Variants in ACBD6 observed in about 807,000 individuals in gnomAD.
ACBD6 encodes the protein acyl-CoA binding domain containing 6, also known as acyl-CoA-binding domain-containing protein 6.
A neutral mutation model predicts 37.2 loss-of-function variants in ACBD6; 28 were observed. The ratio of observed to expected loss-of-function variants is 0.75; its 90% CI spans 0.56 to 1.03. ACBD6 has a LOEUF of 1.03. ACBD6 is among the 50% of genes least tolerant of loss of function. The probability of loss-of-function intolerance (pLI) is 0.00; values close to 1 mark genes in which losing one functional copy is unlikely to be tolerated. For synonymous variants in ACBD6, 113 were observed against 126.8 expected, an observed-to-expected ratio of 0.89 and a Z score of 0.73; for missense variants, 340 against 337.4, an observed-to-expected ratio of 1.01 and a Z score of -0.06.
At chr1:180,282,803 A>G (rs568778242) in intron 8 of ACBD6, among the ~76,000 whole-genome samples, 3 of 152,308 alleles carry the variant, frequency 2.0e-5, no homozygotes, top group African/African-American at 7.2e-5. Context: ...ATGCTCCTCA[A>G]TTAAAGTGAT....
intron 5 of ACBD6, among the ~76,000 whole-genome samples, chr1:180,408,752 A>C (rs1020511114): frequency 2.6e-5 from 4 of 152,206 alleles, no homozygotes; most frequent in Admixed American, 2.0e-4. Context: ...AAAACAGTTA[A>C]ATCTAAATAT....
chr1:180,333,760 C>T (rs1452134342), intron 6 of ACBD6, among the ~76,000 whole-genome samples: 2 of 152,202 alleles, frequency 1.3e-5, no homozygotes, highest in African/African-American at 4.8e-5. Context: ...AATTCCCTTT[C>T]CTAGTCAAAA....
intron 6 of ACBD6, among the ~76,000 whole-genome samples, chr1:180,395,050 T>C (rs1244848561): frequency 6.6e-6 from 1 of 152,174 alleles, no homozygotes. Context: ...GAACAAAAAG[T>C]GTTATGATAA....
chr1:180,364,203 T>C (rs1428147295), intron 6 of ACBD6, among the ~76,000 whole-genome samples: 2 of 152,364 alleles, frequency 1.3e-5, no homozygotes, highest in South Asian at 2.1e-4. Flanking sequence ...CATTCACTTA[T>C]TGATGGCCTA....
chr1:180,441,776 T>C (rs566605478), intron 3 of ACBD6, among the ~76,000 whole-genome samples: 1 of 152,314 alleles, frequency 6.6e-6, no homozygotes, highest in South Asian at 2.1e-4. Flanking sequence ...TCTAGCGGTG[T>C]CTTTGTGGAT....
intron 5 of ACBD6, among the ~76,000 whole-genome samples, chr1:180,401,072 AT>A (rs1274663902): frequency 5.9e-5 from 9 of 152,122 alleles, no homozygotes; most frequent in Admixed American, 1.3e-4. Context: ...TTTGTTTCTA[AT>A]TTTTAAAACT....
At chr1:180,352,526 T>G (rs1197591951) in intron 6 of ACBD6, among the ~76,000 whole-genome samples, 1 of 152,096 alleles carries the variant, frequency 6.6e-6, no homozygotes, top group Admixed American at 6.6e-5. Flanking sequence ...GGGTTCAACA[T>G]TTTTTGGAAG....
At chr1:180,353,876 T>C (rs1000205061) in intron 6 of ACBD6, among the ~76,000 whole-genome samples, 2 of 150,606 alleles carry the variant, frequency 1.3e-5, no homozygotes, top group African/African-American at 2.4e-5. Context: ...CATTTTAATA[T>C]AGATAATTTT....
intron 3 of ACBD6, among the ~76,000 whole-genome samples, chr1:180,480,955 C>T (rs951016775): frequency 6.6e-6 from 1 of 151,132 alleles, no homozygotes; most frequent in African/African-American, 2.4e-5. Context: ...TGCTGGAACC[C>T]GGGAGGCAGA....
At chr1:180,384,638 C>A (rs942826631) in intron 6 of ACBD6, among the ~76,000 whole-genome samples, 1 of 152,292 alleles carries the variant, frequency 6.6e-6, no homozygotes, top group South Asian at 2.1e-4. Flanking sequence ...CTTCAGCAAT[C>A]GCACTACTGG....
intron 5 of ACBD6, among the ~76,000 whole-genome samples, chr1:180,401,617 C>CT (rs1647368509): frequency 6.6e-6 from 1 of 151,864 alleles, no homozygotes; most frequent in South Asian, 2.1e-4. Flanking sequence ...AATGCTGTCT[C>CT]TACTAGAAAT....
At chr1:180,314,118 T>C (rs1041975117) in intron 7 of ACBD6, among the ~76,000 whole-genome samples, 2 of 152,198 alleles carry the variant, frequency 1.3e-5, no homozygotes, top group African/African-American at 2.4e-5. Context: ...CACTCATTAA[T>C]AGAACTAAGA....
intron 7 of ACBD6, among the ~76,000 whole-genome samples, chr1:180,290,653 G>A (rs921840306): frequency 6.6e-6 from 1 of 152,240 alleles, no homozygotes; most frequent in South Asian, 2.1e-4. Context: ...AGGAGACTGA[G>A]GGATCAGGAA....
At chr1:180,453,467 T>C (rs957639563) in intron 3 of ACBD6, among the ~76,000 whole-genome samples, 1 of 152,218 alleles carries the variant, frequency 6.6e-6, no homozygotes, top group African/African-American at 2.4e-5. Context: ...GCTAGAAGCA[T>C]TCCCTTTGAA....
At chr1:180,284,296 AG>A (rs1184422062), downstream of ACBD6, among the ~76,000 whole-genome samples, 1 of 152,226 alleles carries the variant, frequency 6.6e-6, no homozygotes, top group Non-Finnish European at 1.5e-5. Flanking sequence ...AAGATACTCA[AG>A]GTAAAAGTTC....
chr1:180,288,299 T>C lies in ACBD6; in HGVS notation c.*64A>G. 1 of 1,604,982 alleles carries C rather than the reference T, an allele frequency of 6.2e-7. No individual in the cohort carries two copies. Among genetic ancestry groups the C allele is most frequent in the Non-Finnish European group, 8.5e-7 (1 of 1,173,902 alleles). On this transcript the variant is annotated 3_prime_UTR_variant, in exon 8 of 8. Transcript: ENST00000367595. ...GACGGGTGGAAAAGAAGTATTATTTTTGTAGTTTTCTTTCATAATGGAAGC... is the reference window on the plus strand; with the variant it reads ...GACGGGTGGAAAAGAAGTATTATTTCTGTAGTTTTCTTTCATAATGGAAGC...
intron 1 of ACBD6, among the ~76,000 whole-genome samples, chr1:180,499,632 A>C (rs548577667): frequency 6.6e-6 from 1 of 152,358 alleles, no homozygotes; most frequent in Admixed American, 6.5e-5. Context: ...GGGGAAAATT[A>C]GTCTCATACT....
At chr1:180,315,930 T>TG (rs1346836282) in intron 6 of ACBD6, among the ~76,000 whole-genome samples, 1 of 152,116 alleles carries the variant, frequency 6.6e-6, no homozygotes, top group Non-Finnish European at 1.5e-5. Context: ...ATGCTAAGTT[T>TG]GGGATGTCCA....
chr1:180,452,270 G>A (rs549341490), intron 3 of ACBD6, among the ~76,000 whole-genome samples: 1 of 152,060 alleles, frequency 6.6e-6, no homozygotes, highest in Non-Finnish European at 1.5e-5. Context: ...AAGAGATTGA[G>A]ACCAGCCTGG....
Sources: allele counts gnomAD v4.1 joint callset (sites outside exome capture counted in the v4.1 genomes callset), GRCh38; gene constraint gnomAD v4.1.1; transcripts MANE v1.5; gene names NCBI Gene and HGNC (gene_info 2026-07-23, HGNC 2026-07-21).